The following MTMR2 variants were observed in gnomAD, a reference collection of about 807,000 sequenced individuals.
MTMR2 encodes myotubularin related protein 2, also known as phosphatidylinositol-3,5-bisphosphate 3-phosphatase MTMR2.
In MTMR2, 55 loss-of-function variants were observed where a neutral mutation model predicts 86.9. That is an observed-to-expected ratio of 0.63 (90% confidence interval 0.51 to 0.79). MTMR2 has a LOEUF of 0.79. Among genes scored for constraint, MTMR2 ranks in the 30% least tolerant of loss-of-function variants. The probability of loss-of-function intolerance (pLI) is 0.00; values close to 1 mark genes in which losing one functional copy is unlikely to be tolerated. For missense variants in MTMR2, 659 were observed against 772.3 expected, an observed-to-expected ratio of 0.85 and a Z score of 1.74; for synonymous variants, 241 against 266.8, an observed-to-expected ratio of 0.90 and a Z score of 0.94.
At chr11:95,841,762 A>C (rs1291198854) in intron 11 of MTMR2, 53 bp from the exon 12 acceptor site, 1 of 1,397,050 alleles carries the variant, frequency 7.2e-7, no homozygotes, top group East Asian at 2.3e-5. Context: ...TCATGTTTTG[A>C]TGGAAATAAT....
Position 95,919,080 on chromosome 11 carries a change from C to A in MTMR2, c.80+4795G>T, listed in dbSNP as rs544234896. Among the ~76,000 whole-genome samples the A allele has an allele frequency of 4.6e-5, 7 of 152,288 alleles. No homozygotes were observed. The East Asian group carries it at 1.3e-3, about 29-fold the overall frequency. On this transcript the variant is annotated intron_variant, in intron 1 of 14. Transcript: ENST00000346299. ...TGGAATTTCTGGACTCAAGCAATCC[C>A]AAACTGTTCAGCCTCCTAAACTGCT... is the stretch of plus-strand genomic sequence containing the variant.
rs550255639 is a variant in MTMR2, at chr11:95,907,815, G to A, written c.80+16060C>T. ...AAGGCTTTTGATAAAATTCAATAAC[G>A]CTTCATGTTAAAAACCTTCCACAAA... is the stretch of plus-strand genomic sequence containing the variant. On this transcript the variant is annotated intron_variant, in intron 1 of 14. Transcript: ENST00000346299. 52 of 389,216 alleles carry A rather than the reference G, an allele frequency of 1.3e-4. 1 individual carries two copies. Among genetic ancestry groups the A allele is most frequent in the South Asian group, 9.1e-4 (45 of 49,670 alleles). The allele number at this position is 389,216 out of a possible 1,614,324, so 24.1% of individuals were successfully genotyped here.
At chr11:95,847,531 C>A (rs1863841134) in intron 10 of MTMR2, among the ~76,000 whole-genome samples, 183 bp downstream of exon 10, 1 of 152,076 alleles carries the variant, frequency 6.6e-6, no homozygotes, top group Non-Finnish European at 1.5e-5. Flanking sequence ...ACCAAATGCA[C>A]AATATAAAAA....
intron 9 of MTMR2, 68 bp downstream of exon 9, chr11:95,849,601 TACTAC>T: frequency 7.3e-7 from 1 of 1,378,778 alleles, no homozygotes; most frequent in Non-Finnish European, 1.0e-6. Flanking sequence ...GAGCTCTTTT[TACTAC>T]ACTGTGGCCC....
chr11:95,907,841 C>A, intron 1 of MTMR2: 1 of 434,828 alleles, frequency 2.3e-6, no homozygotes, highest in Non-Finnish European at 4.6e-6. Context: ...CTTCCACAAA[C>A]TAGGCATTGA....
intron 7 of MTMR2, 63 bp downstream of exon 7, chr11:95,857,489 C>T (rs1864253622): frequency 8.4e-7 from 1 of 1,186,600 alleles, no homozygotes; most frequent in South Asian, 1.2e-5. Flanking sequence ...ATGGTTCCAC[C>T]CAGTTTTCTT....
At chr11:95,895,830 TA>T (rs892603163) in intron 1 of MTMR2, among the ~76,000 whole-genome samples, 13 of 152,022 alleles carry the variant, frequency 8.6e-5, no homozygotes, top group African/African-American at 2.4e-4. Flanking sequence ...AAACAAAATA[TA>T]TATTAAAAAC....
intron 13 of MTMR2, 75 bp from the exon 14 acceptor site, chr11:95,836,399 G>A (rs1404447094): frequency 2.9e-6 from 4 of 1,356,348 alleles, no homozygotes; most frequent in Non-Finnish European, 4.2e-6. Flanking sequence ...TTGTGAAGAA[G>A]TACTTTGTTG....
intron 1 of MTMR2, among the ~76,000 whole-genome samples, chr11:95,921,830 C>T (rs543706868): frequency 2.5e-4 from 38 of 152,216 alleles, no homozygotes; most frequent in African/African-American, 8.7e-4. Flanking sequence ...ACAATTCTCT[C>T]GAGGAGTACT....
At chr11:95,920,767 T>C (rs1813482031) in intron 1 of MTMR2, among the ~76,000 whole-genome samples, 1 of 152,210 alleles carries the variant, frequency 6.6e-6, no homozygotes, top group Admixed American at 6.5e-5. Context: ...TTACTTATTT[T>C]AAAAAGTCTT....
chr11:95,883,927 T>C (rs1442264397), intron 2 of MTMR2, among the ~76,000 whole-genome samples: 1 of 152,200 alleles, frequency 6.6e-6, no homozygotes, highest in African/African-American at 2.4e-5. Flanking sequence ...TTCAATGTAT[T>C]ATGTTCTCTA....
chr11:95,914,986 G>A (rs1261876507), intron 1 of MTMR2, among the ~76,000 whole-genome samples: 1 of 152,112 alleles, frequency 6.6e-6, no homozygotes, highest in Admixed American at 6.6e-5. Context: ...TAGTAAGCAT[G>A]CAATAAATGT....
intron 5 of MTMR2, among the ~76,000 whole-genome samples, chr11:95,859,440 TG>T (rs1196461209): frequency 6.6e-6 from 1 of 152,204 alleles, no homozygotes; most frequent in Non-Finnish European, 1.5e-5. Context: ...CCAGGCACAG[TG>T]GCTCATGCCT....
intron 2 of MTMR2, among the ~76,000 whole-genome samples, chr11:95,884,034 A>G (rs1190063338): frequency 6.6e-6 from 1 of 152,226 alleles, no homozygotes; most frequent in African/African-American, 2.4e-5. Flanking sequence ...CTGGAAGCCT[A>G]GAGGTTAACC....
At chr11:95,870,739 T>C (rs1296811581) in intron 2 of MTMR2, among the ~76,000 whole-genome samples, 2 of 149,992 alleles carry the variant, frequency 1.3e-5, no homozygotes, top group African/African-American at 2.4e-5. Flanking sequence ...TTCTTTTTCT[T>C]TTTTTTTTTA....
intron 14 of MTMR2, 82 bp downstream of exon 14, chr11:95,836,066 G>T: frequency 7.4e-7 from 1 of 1,345,440 alleles, no homozygotes; most frequent in Non-Finnish European, 1.1e-6. Flanking sequence ...AATATGCACA[G>T]ATAATCTTTC....
In MTMR2 at chr11:95,862,038, G is replaced by A. The variant is rs1300170808; in HGVS notation, c.422C>T (p.Ala141Val). 2 of 1,613,732 alleles carry A rather than the reference G, an allele frequency of 1.2e-6. No individual in the cohort carries two copies. Among genetic ancestry groups the A allele is most frequent in the African/African-American group, 1.3e-5 (1 of 74,892 alleles). ...VINRVEKIGG[A>V]SSRGENSYGL... is the part of the protein sequence containing the mutation. Reference sequence around the variant, plus strand: ...ATAAGAATTTTCACCTCGACTAGAAGCACCACCAATTTTTTCTACTCTATT... The same window carrying A: ...ATAAGAATTTTCACCTCGACTAGAAACACCACCAATTTTTTCTACTCTATT... The change falls in exon 5 of 15, where the codon GCT becomes GTT. Residue 141 changes from alanine to valine, a missense_variant. Around this residue, in one of 3 missense-constraint regions of MTMR2, gnomAD observed 387 missense variants for 526.3 expected, o/e 0.74. Transcript: ENST00000346299.
Position 95,834,989 on chromosome 11 carries a change from TG to T in MTMR2, c.*300del, listed in dbSNP as rs1170242474. 6 of 375,670 alleles carry T rather than the reference TG, an allele frequency of 1.6e-5. No homozygotes were observed. Among genetic ancestry groups the T allele is most frequent in the South Asian group, 1.6e-4 (6 of 38,028 alleles). The allele number at this position is 375,670 out of a possible 1,614,324, so 23.3% of individuals were successfully genotyped here. ...TTAATATTACCAGATGCCAAAAATT[TG>T]TAACAGCATTTGCCTTTTAATAGAA... On this transcript the variant is annotated 3_prime_UTR_variant, in exon 15 of 15. Transcript: ENST00000346299.
chr11:95,905,366 CACAA>C (rs1866231032), intron 1 of MTMR2, among the ~76,000 whole-genome samples: 1 of 148,314 alleles, frequency 6.7e-6, no homozygotes, highest in South Asian at 2.1e-4. Context: ...CACACACACA[CACAA>C]CACAACACAT....
Sources: gnomAD v4.1 joint callset for allele counts (sites outside exome capture counted in the v4.1 genomes callset) on GRCh38, gnomAD v4.1.1 for gene constraint, gnomAD v4.1.1 regional missense constraint, MANE v1.5 for transcripts, NCBI Gene and HGNC (gene_info 2026-07-23, HGNC 2026-07-21) for gene names.